The following ASTN1 variants were observed in gnomAD, a reference collection of about 807,000 sequenced individuals.
ASTN1 encodes astrotactin 1, also known as astrotactin-1.
Under a neutral mutation model 140.7 loss-of-function variants are expected in ASTN1, and 41 were observed. The ratio of observed to expected loss-of-function variants is 0.29; its 90% CI spans 0.23 to 0.38. The LOEUF is 0.38. Among genes scored for constraint, ASTN1 ranks in the 10% least tolerant of loss-of-function variants. The pLI is 1.00. For missense variants in ASTN1, 1,479 were observed against 1,678.8 expected, an observed-to-expected ratio of 0.88 and a Z score of 2.08; for synonymous variants, 640 against 652.2, an observed-to-expected ratio of 0.98 and a Z score of 0.29.
intron 16 of ASTN1, among the ~76,000 whole-genome samples, chr1:176,926,014 A>C (rs1206770017): frequency 2.0e-4 from 31 of 152,104 alleles, no homozygotes; most frequent in South Asian, 2.1e-4. Context: ...TCACCGTGTT[A>C]GCCAGGATGG....
chr1:177,116,848 C>T (rs1681113617), intron 1 of ASTN1, among the ~76,000 whole-genome samples: 2 of 152,092 alleles, frequency 1.3e-5, no homozygotes, highest in African/African-American at 4.8e-5. Flanking sequence ...TATTTCCCAC[C>T]CATTAAATGC....
chr1:176,887,850 C>T (rs1669101778), intron 18 of ASTN1, among the ~76,000 whole-genome samples: 1 of 152,174 alleles, frequency 6.6e-6, no homozygotes, highest in Admixed American at 6.5e-5. Flanking sequence ...TGACCATTCC[C>T]TCTTCACACT....
chr1:177,033,124 T>C (rs1676531435), intron 2 of ASTN1, among the ~76,000 whole-genome samples: 1 of 9,508 alleles, frequency 1.1e-4, no homozygotes, highest in Admixed American at 1.1e-3. Flanking sequence ...GAAACAAGTC[T>C]GTGTGTGTGT....
chr1:176,880,368 T>A lies in ASTN1; in HGVS notation c.3362+2491A>T, dbSNP rs138469702. The stretch of plus-strand genomic sequence containing the variant: ...TCATGGTGGTTTCTGCCCATCCCTC[T>A]GATCTGCCTCCCTTTTTTCTGAATT... On this transcript the variant is annotated intron_variant, in intron 20 of 22. Transcript: ENST00000361833. 7.8e-4 allele frequency among the ~76,000 whole-genome samples: 119 copies of A among 152,298 alleles called. 1 individual carries two copies. In the East Asian group the frequency reaches 0.022, roughly 28 times the overall value.
At chr1:176,972,761 CTT>C (rs1170077657) in intron 8 of ASTN1, among the ~76,000 whole-genome samples, 7 of 152,078 alleles carry the variant, frequency 4.6e-5, no homozygotes, top group Non-Finnish European at 1.0e-4. Flanking sequence ...AGAAAACAAA[CTT>C]ATTTATAATT....
At position 177,074,839 on chromosome 1, in the gene ASTN1, C is replaced by T. The variant is rs371092829; in HGVS notation, c.284-13574G>A. Among the ~76,000 whole-genome samples the T allele has an allele frequency of 4.3e-4, 66 of 152,254 alleles. 1 individual carries two copies. The South Asian group carries it at 0.013, about 30-fold the overall frequency. On this transcript the variant is annotated intron_variant, in intron 1 of 22. Transcript: ENST00000361833. Reference sequence around the variant, plus strand: ...TACTTCAATTTCAAGAGGTAACATGCTTGTTGAAATATCACAAATTCTTCA... The same window carrying T: ...TACTTCAATTTCAAGAGGTAACATGTTTGTTGAAATATCACAAATTCTTCA...
intron 2 of ASTN1, among the ~76,000 whole-genome samples, chr1:177,056,138 C>T (rs1677790105): frequency 6.6e-6 from 1 of 152,174 alleles, no homozygotes; most frequent in Non-Finnish European, 1.5e-5. Context: ...TGTTATGCAG[C>T]ACTGGAAACA....
At chr1:177,098,982 T>G (rs936383719) in intron 1 of ASTN1, among the ~76,000 whole-genome samples, 1 of 152,176 alleles carries the variant, frequency 6.6e-6, no homozygotes, top group Admixed American at 6.6e-5. Context: ...AAAACTACTC[T>G]CAGCAGCTAC....
chr1:176,874,010 G>A (rs1404129671), intron 21 of ASTN1, among the ~76,000 whole-genome samples: 1 of 152,078 alleles, frequency 6.6e-6, no homozygotes, highest in Non-Finnish European at 1.5e-5. Context: ...GCATCATGCT[G>A]CATCCCCTCC....
At chr1:177,036,865 G>A (rs1676743454) in intron 2 of ASTN1, among the ~76,000 whole-genome samples, 3 of 151,804 alleles carry the variant, frequency 2.0e-5, no homozygotes. Flanking sequence ...TGTCACCCAG[G>A]CTGGAGTGCA....
At chr1:176,903,440 C>T (rs1224463442) in intron 16 of ASTN1, among the ~76,000 whole-genome samples, 1 of 152,214 alleles carries the variant, frequency 6.6e-6, no homozygotes, top group Non-Finnish European at 1.5e-5. Context: ...CTCTGTCCCA[C>T]TCACTCCCAG....
chr1:177,016,598 C>T (rs1675558205), intron 7 of ASTN1, among the ~76,000 whole-genome samples: 1 of 152,094 alleles, frequency 6.6e-6, no homozygotes, highest in Non-Finnish European at 1.5e-5. Context: ...GAAGAGAGTA[C>T]CAGGAGCCTG....
At chr1:177,055,361 G>C (rs1677749013) in intron 2 of ASTN1, among the ~76,000 whole-genome samples, 1 of 152,216 alleles carries the variant, frequency 6.6e-6, no homozygotes. Flanking sequence ...ATGGTGCCAG[G>C]TGAGGGATGT....
chr1:177,031,434 G>C (rs1295737535), intron 3 of ASTN1, among the ~76,000 whole-genome samples: 1 of 152,172 alleles, frequency 6.6e-6, no homozygotes, highest in African/African-American at 2.4e-5. Context: ...AGGCATTTGA[G>C]TTGATAATAA....
intron 1 of ASTN1, among the ~76,000 whole-genome samples, chr1:177,086,657 A>G (rs1679484631): frequency 6.6e-6 from 1 of 152,240 alleles, no homozygotes; most frequent in Non-Finnish European, 1.5e-5. Context: ...ATTTTTTAAA[A>G]AACTTTTTTA....
intron 16 of ASTN1, among the ~76,000 whole-genome samples, chr1:176,931,548 G>T (rs186513378): frequency 6.6e-6 from 1 of 152,290 alleles, no homozygotes; most frequent in Non-Finnish European, 1.5e-5. Context: ...GATCCTCAAT[G>T]TTGGTATGGC....
rs139542754 is a variant in ASTN1, at chr1:176,989,875, C to G, written c.1524-24638G>C. Reference sequence around the variant, plus strand: ...CCTCCCAACTGTTTCTGCTTGTGCTCAAAGCTCCAATTATCCAGCCTGAAT... The same window carrying G: ...CCTCCCAACTGTTTCTGCTTGTGCTGAAAGCTCCAATTATCCAGCCTGAAT... On this transcript the variant is annotated intron_variant, in intron 8 of 22. Coordinates refer to ENST00000361833, the MANE Select transcript of ASTN1 (RefSeq NM_004319.3). Among the ~76,000 whole-genome samples, 603 of 152,016 alleles carry G rather than the reference C, an allele frequency of 4.0e-3. 6 individuals carry two copies. The highest frequency in any genetic ancestry group is 0.014 in the African/African-American group (572 of 41,468).
At chr1:177,117,108 T>C (rs1425637441) in intron 1 of ASTN1, among the ~76,000 whole-genome samples, 55 of 152,052 alleles carry the variant, frequency 3.6e-4, no homozygotes, top group Admixed American at 3.5e-3. Flanking sequence ...TATCTCTCTC[T>C]CCTCCGCCCC....
At chr1:176,922,890 T>C (rs572079920) in intron 16 of ASTN1, among the ~76,000 whole-genome samples, 1 of 152,316 alleles carries the variant, frequency 6.6e-6, no homozygotes, top group Admixed American at 6.5e-5. Flanking sequence ...CAAATAATGC[T>C]AATAATAATA....
Sources: allele counts gnomAD v4.1 joint callset (sites outside exome capture counted in the v4.1 genomes callset), GRCh38; gene constraint gnomAD v4.1.1; transcripts MANE v1.5; gene names NCBI Gene and HGNC (gene_info 2026-07-23, HGNC 2026-07-21).